Variants in SULT1C2 observed in about 807,000 individuals in gnomAD.
SULT1C2 encodes sulfotransferase 1C2.
Under a neutral mutation model 36.0 loss-of-function variants are expected in SULT1C2, and 27 were observed. The ratio of observed to expected loss-of-function variants is 0.75; its 90% confidence interval spans 0.55 to 1.03. The LOEUF is 1.03. Among genes scored for constraint, SULT1C2 ranks in the 50% least tolerant of loss-of-function variants. The pLI, the probability that SULT1C2 is intolerant of heterozygous loss-of-function variation, is 0.00. For synonymous variants in SULT1C2, 121 were observed against 116.0 expected (o/e 1.04, Z -0.27); for missense variants, 395 against 359.2 (o/e 1.10, Z -0.80).
At chr2:108,296,302 C>A (rs1334601425) in intron 3 of SULT1C2, among the ~76,000 whole-genome samples, 1 of 152,162 alleles carries the variant, frequency 6.6e-6, no homozygotes, top group South Asian at 2.1e-4. Context: ...GGTAATCAAA[C>A]GGCCAGCTTG....
chr2:108,296,557 T>C (rs1394602185), intron 3 of SULT1C2, among the ~76,000 whole-genome samples: 1 of 151,978 alleles, frequency 6.6e-6, no homozygotes, highest in Non-Finnish European at 1.5e-5. Flanking sequence ...GTTCAAGCAA[T>C]TCTCCTGCCT....
intron 1 of SULT1C2, among the ~76,000 whole-genome samples, chr2:108,293,216 A>G (rs1013296629): frequency 2.0e-5 from 3 of 150,468 alleles, no homozygotes; most frequent in Admixed American, 2.0e-4. Context: ...AAAGGTGTAT[A>G]TCTACAGTGA....
At chr2:108,303,584 T>C (rs1290102935) in intron 4 of SULT1C2, 1 of 152,230 alleles carries the variant, frequency 6.6e-6, no homozygotes, top group Admixed American at 6.5e-5. Flanking sequence ...GTATAGGCTC[T>C]GGGGTGTTGT....
At chr2:108,299,439 C>T (rs1441335420) in intron 3 of SULT1C2, 2 of 152,324 alleles carry the variant, frequency 1.3e-5, no homozygotes, top group African/African-American at 4.8e-5. Flanking sequence ...CTTGGAGAGA[C>T]CCTTGAAGAG....
chr2:108,290,041 C>T (rs745630509), intron 1 of SULT1C2, among the ~76,000 whole-genome samples: 34 of 152,302 alleles, frequency 2.2e-4, no homozygotes, highest in African/African-American at 5.1e-4. Flanking sequence ...CAGAGCACAA[C>T]GCCTACCACA....
chr2:108,303,571 G>A (rs554091720), intron 4 of SULT1C2: 1 of 152,344 alleles, frequency 6.6e-6, no homozygotes, highest in South Asian at 2.1e-4. Flanking sequence ...GGAAGTGTTG[G>A]GGGTATAGGC....
intron 3 of SULT1C2, among the ~76,000 whole-genome samples, chr2:108,295,131 A>T (rs1029818912): frequency 6.6e-6 from 1 of 152,168 alleles, no homozygotes; most frequent in African/African-American, 2.4e-5. Flanking sequence ...ATCCCTAAAA[A>T]TGTCCTAAGA....
At chr2:108,300,641 C>T in intron 3 of SULT1C2, 197 bp from the exon 4 acceptor site, 1 of 839,984 alleles carries the variant, frequency 1.2e-6, no homozygotes, top group Admixed American at 3.4e-5. Context: ...ACTCTAAGGC[C>T]CCATCCAGGA....
At chr2:108,301,196 C>T in intron 4 of SULT1C2, 1 of 420,974 alleles carries the variant, frequency 2.4e-6, no homozygotes, top group African/African-American at 2.0e-5. Context: ...GTAAGCGTAG[C>T]TGTGAAATGA....
At chr2:108,305,042 G>A in intron 5 of SULT1C2, 130 bp from the exon 6 acceptor site, 1 of 1,026,138 alleles carries the variant, frequency 9.7e-7, no homozygotes, top group East Asian at 2.4e-5. Context: ...AAACAGATCA[G>A]AACCCTTAGG....
At chr2:108,290,800 T>C (rs1419192842) in intron 1 of SULT1C2, among the ~76,000 whole-genome samples, 1 of 152,060 alleles carries the variant, frequency 6.6e-6, no homozygotes, top group Non-Finnish European at 1.5e-5. Flanking sequence ...CAACAGAGAG[T>C]TTTGGTGGGG....
At chr2:108,301,043 C>G in intron 4 of SULT1C2, 108 bp downstream of exon 4, 1 of 1,365,404 alleles carries the variant, frequency 7.3e-7, no homozygotes, top group South Asian at 1.4e-5. Context: ...TCTCCACTGT[C>G]TCTGATGCTT....
At chr2:108,295,538 C>T (rs560247788) in intron 3 of SULT1C2, among the ~76,000 whole-genome samples, 1 of 152,032 alleles carries the variant, frequency 6.6e-6, no homozygotes, top group Non-Finnish European at 1.5e-5. Context: ...CACCTCACAA[C>T]GTTTAAATCC....
intron 1 of SULT1C2, among the ~76,000 whole-genome samples, chr2:108,292,150 G>A (rs750429369): frequency 1.3e-5 from 2 of 152,036 alleles, no homozygotes; most frequent in South Asian, 2.1e-4. Flanking sequence ...TTTCAGCTCC[G>A]AAGTTCTATC....
intron 3 of SULT1C2, 46 bp downstream of exon 3, chr2:108,294,400 CT>C: frequency 6.3e-7 from 1 of 1,581,818 alleles, no homozygotes. Flanking sequence ...CTTTCCCTCT[CT>C]CTTCTGTTTT....
At chr2:108,293,954 C>T in intron 2 of SULT1C2, 136 bp downstream of exon 2, 10 of 1,364,704 alleles carry the variant, frequency 7.3e-6, no homozygotes, top group South Asian at 1.5e-5. Context: ...AGGGCTCACA[C>T]AGGATGCCTG....
In SULT1C2 at chr2:108,304,335, A is replaced by G. The variant is rs1676965148; in HGVS notation, c.376-239A>G. The G allele has an allele frequency of 1.0e-5, 4 of 383,982 alleles. 1 individual carries two copies. The highest frequency in any genetic ancestry group is 7.1e-4 in the Middle Eastern group (1 of 1,410). 23.8% of individuals were successfully genotyped at this position (383,982 alleles called of 1,614,324 possible). A position where few individuals can be genotyped will look rare whatever the true frequency, so the allele number is the denominator to read the frequency against. The stretch of plus-strand genomic sequence containing the variant: ...ACCAAAGGGGCAATCAGGCAATCTA[A>G]TCCTCACCAATCCCTAATTGATTAG... On this transcript the variant is annotated intron_variant, in intron 4 of 7. Coordinates refer to ENST00000251481, the MANE Select transcript of SULT1C2 (RefSeq NM_001056.4).
chr2:108,305,700 A>G, intron 7 of SULT1C2, 105 bp downstream of exon 7: 1 of 1,363,516 alleles, frequency 7.3e-7, no homozygotes, highest in Non-Finnish European at 1.0e-6. Context: ...ATGCATTTCA[A>G]CTATTCCTAA....
intron 7 of SULT1C2, among the ~76,000 whole-genome samples, chr2:108,306,645 C>T (rs1056223143): frequency 1.3e-4 from 19 of 151,796 alleles, no homozygotes; most frequent in African/African-American, 4.1e-4. Flanking sequence ...TGATGGCTCA[C>T]GCCTGTAATC....
Sources: allele counts gnomAD v4.1 joint callset (sites outside exome capture counted in the v4.1 genomes callset), GRCh38; gene constraint gnomAD v4.1.1; transcripts MANE v1.5; gene names NCBI Gene and HGNC (gene_info 2026-07-23, HGNC 2026-07-21).